Variants in P3H2 observed in about 807,000 individuals in gnomAD.
P3H2 encodes prolyl 3-hydroxylase 2, also known as leprecan-like 1.
A neutral mutation model predicts 87.0 loss-of-function variants in P3H2; 80 were observed. The ratio of observed to expected loss-of-function variants is 0.92; its 90% confidence interval spans 0.77 to 1.11. P3H2 has a LOEUF of 1.11. Ranked by LOEUF, P3H2 falls within the 50% of genes least tolerant of loss-of-function variation. The probability of loss-of-function intolerance (pLI) is 0.00; values close to 1 mark genes in which losing one functional copy is unlikely to be tolerated. For missense variants in P3H2, 1,001 were observed against 923.9 expected (o/e 1.08, Z -1.08); for synonymous variants, 367 against 359.3 (o/e 1.02, Z -0.24).
chr3:190,055,581 AG>A (rs1282996061), intron 1 of P3H2, among the ~76,000 whole-genome samples: 1 of 151,686 alleles, frequency 6.6e-6, no homozygotes, highest in African/African-American at 2.4e-5. Flanking sequence ...TGAAGTACTT[AG>A]AAATGTAATT....
At chr3:189,973,128 T>A in intron 10 of P3H2, 104 bp from the exon 11 acceptor site, 1 of 995,360 alleles carries the variant, frequency 1.0e-6, no homozygotes, top group Non-Finnish European at 1.5e-6. Context: ...GTCATGTCTG[T>A]ATTGACTAAT....
rs1712513357 is a variant in P3H2, at chr3:190,120,451, AGCGGGTGGCGCGCCGCGCAGTG to A, written c.259_280del (p.His87SerfsTer110). On this transcript the variant is annotated frameshift_variant, in exon 1 of 15. Coordinates refer to ENST00000319332, the MANE Select transcript of P3H2 (RefSeq NM_018192.4). LOFTEE classifies it high-confidence loss of function. ...GCCCTCGCCGGGGGGCGGGGGCGGG[AGCGGGTGGCGCGCCGCGCAGTG>A]GCGGGCACAGCGCGTGCGGATTTCC... is the stretch of plus-strand genomic sequence containing the variant. 2 of 1,427,168 alleles carry A rather than the reference AGCGGGTGGCGCGCCGCGCAGTG, an allele frequency of 1.4e-6. No individual in the cohort carries two copies. The highest frequency in any genetic ancestry group is 1.5e-5 in the South Asian group (1 of 66,888). The allele number at this position is 1,427,168 out of a possible 1,614,324, so 88.4% of individuals were successfully genotyped here.
At chr3:190,038,438 T>C (rs1043060774) in intron 1 of P3H2, among the ~76,000 whole-genome samples, 2 of 137,118 alleles carry the variant, frequency 1.5e-5, no homozygotes, top group South Asian at 4.6e-4. Context: ...CCAGGTGTCC[T>C]CCTAGATAAA....
chr3:190,100,683 C>T (rs1711594032), intron 1 of P3H2, among the ~76,000 whole-genome samples: 1 of 152,110 alleles, frequency 6.6e-6, no homozygotes, highest in Admixed American at 6.5e-5. Context: ...AATGTTCCAC[C>T]CAATTTCATG....
intron 1 of P3H2, among the ~76,000 whole-genome samples, chr3:190,005,144 T>C (rs990469135): frequency 1.3e-5 from 2 of 152,210 alleles, no homozygotes; most frequent in East Asian, 1.9e-4. Context: ...AATAGCTTAA[T>C]GCAAGCCTGG....
At chr3:190,066,135 TG>T (rs998815354) in intron 1 of P3H2, among the ~76,000 whole-genome samples, 1 of 117,772 alleles carries the variant, frequency 8.5e-6, no homozygotes, top group African/African-American at 4.0e-5. Flanking sequence ...ATAAAGAAAC[TG>T]TGGTGTGTAT....
rs190323971 is a variant in P3H2, at chr3:189,984,089, T to A, written c.1229+461A>T. ...CTTTAAGTATAATAATAATAAAATT[T>A]AAAAAAAAATGAGCTTTCTTGATTT... On this transcript the variant is annotated intron_variant, in intron 7 of 14. Coordinates refer to ENST00000319332, the MANE Select transcript of P3H2 (RefSeq NM_018192.4). Among the ~76,000 whole-genome samples the A allele has an allele frequency of 1.8e-3, 274 of 151,320 alleles. 4 individuals are homozygous for A. Among genetic ancestry groups the A allele is most frequent in the Non-Finnish European group, 8.0e-4 (54 of 67,760 alleles).
At chr3:189,989,450 G>T (rs1401050411) in intron 3 of P3H2, among the ~76,000 whole-genome samples, 1 of 152,174 alleles carries the variant, frequency 6.6e-6, no homozygotes, top group Non-Finnish European at 1.5e-5. Flanking sequence ...AAGTTCAGAT[G>T]CTAGTAAATG....
chr3:190,092,305 G>GTA (rs1388694045), intron 1 of P3H2, among the ~76,000 whole-genome samples: 1 of 151,636 alleles, frequency 6.6e-6, no homozygotes, highest in East Asian at 1.9e-4. Flanking sequence ...AGCTGAAATA[G>GTA]TATAAAAGGG....
intron 12 of P3H2, 87 bp from the exon 13 acceptor site, chr3:189,970,978 C>T (rs1723161813): frequency 5.2e-6 from 4 of 772,292 alleles, no homozygotes; most frequent in Non-Finnish European, 9.2e-6. Flanking sequence ...GATGTACTGT[C>T]CAGCCTCCAT....
At chr3:190,024,142 TCC>T in intron 1 of P3H2, among the ~76,000 whole-genome samples, 1 of 152,176 alleles carries the variant, frequency 6.6e-6, no homozygotes, top group Non-Finnish European at 1.5e-5. Context: ...AAATAATTGT[TCC>T]TGAATTTTAA....
Position 189,957,377 on chromosome 3 carries a change from A to C in P3H2, c.*535T>G. ...TAATTTTAGAACTGGAGCACACGTG[A>C]GAGTTGTAGTTTCACCACCAAGAAG... On this transcript the variant is annotated 3_prime_UTR_variant, in exon 15 of 15. Coordinates refer to ENST00000319332, the MANE Select transcript of P3H2 (RefSeq NM_018192.4). 5.0e-6 allele frequency: 2 copies of C among 399,646 alleles called. No individual in the cohort carries two copies. The highest frequency in any genetic ancestry group is 8.8e-6 in the Non-Finnish European group (2 of 227,654). 24.8% of individuals were successfully genotyped at this position (399,646 alleles called of 1,614,324 possible).
chr3:189,992,955 G>A (rs949142928), intron 3 of P3H2, among the ~76,000 whole-genome samples: 22 of 152,170 alleles, frequency 1.4e-4, no homozygotes, highest in Admixed American at 1.1e-3. Flanking sequence ...TTGGTTTATC[G>A]TATAAATCTG....
intron 1 of P3H2, among the ~76,000 whole-genome samples, chr3:190,081,331 C>T (rs1387705997): frequency 6.6e-6 from 1 of 152,100 alleles, no homozygotes; most frequent in Non-Finnish European, 1.5e-5. Flanking sequence ...ATTTTTCTTA[C>T]TTTGGTATAT....
chr3:189,974,845 CAATA>C (rs1403150791), intron 8 of P3H2, among the ~76,000 whole-genome samples, 160 bp from the exon 9 acceptor site: 1 of 152,184 alleles, frequency 6.6e-6, no homozygotes, highest in Non-Finnish European at 1.5e-5. Flanking sequence ...TTGATAAACA[CAATA>C]TAGATTCAGG....
At chr3:189,966,140 AAAGAAAG>A (rs1343901563) in intron 13 of P3H2, among the ~76,000 whole-genome samples, 4 of 89,150 alleles carry the variant, frequency 4.5e-5, no homozygotes, top group Admixed American at 1.2e-4. Flanking sequence ...AGAAAGAAAG[AAAGAAAG>A]AAAGAAAGAA....
At chr3:189,999,226 C>T (rs908578593) in intron 1 of P3H2, among the ~76,000 whole-genome samples, 5 of 152,128 alleles carry the variant, frequency 3.3e-5, no homozygotes, top group South Asian at 2.1e-4. Context: ...TCAAATTTGA[C>T]GTTTTGCTTA....
intron 1 of P3H2, among the ~76,000 whole-genome samples, chr3:190,098,524 G>C (rs192371305): frequency 5.9e-5 from 9 of 152,040 alleles, no homozygotes; most frequent in Admixed American, 5.9e-4. Flanking sequence ...TATTTACTAG[G>C]GCTTACAATA....
intron 1 of P3H2, among the ~76,000 whole-genome samples, chr3:190,091,992 G>A (rs710581): frequency 0.45 from 67,699 of 151,984 alleles, 17,166 homozygotes; most frequent in African/African-American, 0.7. Flanking sequence ...CAGCACTTTG[G>A]GAGGCCGAGG....
Sources: allele counts gnomAD v4.1 joint callset (sites outside exome capture counted in the v4.1 genomes callset), GRCh38; gene constraint gnomAD v4.1.1; transcripts MANE v1.5; gene names NCBI Gene and HGNC (gene_info 2026-07-23, HGNC 2026-07-21).